Variants in SLC44A5 observed in about 807,000 individuals in gnomAD.
SLC44A5 encodes the protein choline transporter-like protein 5.
In SLC44A5, 57 loss-of-function variants were observed where a neutral mutation model predicts 101.8. That is an observed-to-expected ratio of 0.56 (90% CI 0.45 to 0.70). The LOEUF is 0.70. SLC44A5 is among the 30% of genes least tolerant of loss of function. The pLI is 0.00. For synonymous variants in SLC44A5, 281 were observed against 290.9 expected (o/e 0.97, Z 0.35); for missense variants, 737 against 853.1 (o/e 0.86, Z 1.70).
chr1:75,602,780 C>A (rs1557952610), intron 1 of SLC44A5, among the ~76,000 whole-genome samples: 1 of 152,036 alleles, frequency 6.6e-6, no homozygotes, highest in Non-Finnish European at 1.5e-5. Flanking sequence ...GTTTGTGAAG[C>A]ATAAATGCCC....
At chr1:75,547,448 C>T (rs1671711257) in intron 1 of SLC44A5, among the ~76,000 whole-genome samples, 1 of 152,122 alleles carries the variant, frequency 6.6e-6, no homozygotes, top group South Asian at 2.1e-4. Context: ...AGAATTGTAA[C>T]AGGAGATGAA....
chr1:75,303,288 T>C (rs998901164), intron 4 of SLC44A5, among the ~76,000 whole-genome samples: 10 of 152,092 alleles, frequency 6.6e-5, no homozygotes, highest in Admixed American at 5.9e-4. Flanking sequence ...CAGGCTGGAG[T>C]GCAGTGGCGC....
intron 4 of SLC44A5, 37 bp from the exon 5 acceptor site, chr1:75,300,722 T>C (rs2100863894): frequency 7.1e-7 from 1 of 1,409,794 alleles, no homozygotes; most frequent in South Asian, 1.4e-5. Context: ...TTAAAAGAGG[T>C]CCCAAATGAC....
At chr1:75,501,645 G>T (rs1250758263) in intron 2 of SLC44A5, among the ~76,000 whole-genome samples, 1 of 152,102 alleles carries the variant, frequency 6.6e-6, no homozygotes, top group Non-Finnish European at 1.5e-5. Flanking sequence ...TGAATTTCAT[G>T]GGCCAAGGAG....
chr1:75,233,246 A>G (rs1647757531), intron 12 of SLC44A5, among the ~76,000 whole-genome samples: 1 of 152,124 alleles, frequency 6.6e-6, no homozygotes, highest in Admixed American at 6.6e-5. Flanking sequence ...TACGCATATA[A>G]TTGTGTTATA....
rs1397033687 is a variant in SLC44A5 at position 75,480,359 on chromosome 1, T to C, written c.13+61076A>G. Among the ~76,000 whole-genome samples the C allele has an allele frequency of 1.1e-4, 17 of 152,246 alleles. No individual in the cohort carries two copies. The East Asian group carries it at 3.1e-3, about 28-fold the overall frequency. ...AACTGGCACAAGACAGGGATGCTCTTTCTCACCACCCCTATTTAACATAGT... is the reference window on the plus strand; with the variant it reads ...AACTGGCACAAGACAGGGATGCTCTCTCTCACCACCCCTATTTAACATAGT... On this transcript the variant is annotated intron_variant, in intron 2 of 23. Coordinates refer to ENST00000370859, the MANE Select transcript of SLC44A5 (RefSeq NM_001130058.2).
At chr1:75,691,226 G>A in the SLC44A5 span, among the ~76,000 whole-genome samples, 4 of 152,200 alleles carry the variant, frequency 2.6e-5, no homozygotes. Context: ...CCTAGCCTGA[G>A]AGGAAAACTC....
At chr1:75,341,983 T>C (rs1461170745) in intron 3 of SLC44A5, among the ~76,000 whole-genome samples, 1 of 152,204 alleles carries the variant, frequency 6.6e-6, no homozygotes, top group Admixed American at 6.5e-5. Flanking sequence ...TTGGGAACCA[T>C]TAATCTATTT....
rs138540004 is a variant in SLC44A5 at position 75,273,948 on chromosome 1, C to T, written c.260+1010G>A. Among the ~76,000 whole-genome samples, 448 of 152,160 alleles carry T rather than the reference C, an allele frequency of 2.9e-3. 1 individual carries two copies. Among genetic ancestry groups the T allele is most frequent in the African/African-American group, 0.01 (433 of 41,524 alleles). On this transcript the variant is annotated intron_variant, in intron 6 of 23. Transcript: ENST00000370859. ...TCTTTCGGAATAGTTTTAGTAGGAT[C>T]GGTACCAATTCTTTGAATATCTGGT...
chr1:75,516,506 G>T (rs1669846652), intron 2 of SLC44A5, among the ~76,000 whole-genome samples: 3 of 152,098 alleles, frequency 2.0e-5, no homozygotes, highest in Non-Finnish European at 4.4e-5. Flanking sequence ...GACAGAGCAA[G>T]ATTCCGTCTT....
chr1:75,700,518 G>T, the SLC44A5 span, among the ~76,000 whole-genome samples: 1 of 152,144 alleles, frequency 6.6e-6, no homozygotes, highest in Non-Finnish European at 1.5e-5. Context: ...TGTGTAGAGG[G>T]AAATTTATAG....
chr1:75,598,266 C>CA (rs767918480), intron 1 of SLC44A5, among the ~76,000 whole-genome samples: 325 of 147,436 alleles, frequency 2.2e-3, no homozygotes, highest in Non-Finnish European at 3.5e-3. Context: ...ATTAAGAAGC[C>CA]AAAAAAAAAC....
chr1:75,307,776 G>T (rs7548993), intron 4 of SLC44A5, among the ~76,000 whole-genome samples: 52,693 of 151,954 alleles, frequency 0.35, 10,014 homozygotes, highest in East Asian at 0.82. Flanking sequence ...TCCACAGCTT[G>T]AGGTTATGCC....
intron 1 of SLC44A5, among the ~76,000 whole-genome samples, chr1:75,581,780 GT>G (rs1285595461): frequency 6.6e-6 from 1 of 152,108 alleles, no homozygotes; most frequent in Non-Finnish European, 1.5e-5. Flanking sequence ...CTTGAGAACT[GT>G]TTTTAAAAGA....
intron 1 of SLC44A5, among the ~76,000 whole-genome samples, chr1:75,592,606 T>C (rs998404173): frequency 6.6e-6 from 1 of 152,198 alleles, no homozygotes; most frequent in Admixed American, 6.5e-5. Context: ...ATTACAGAGC[T>C]ACAGTAAGTA....
At chr1:75,688,556 T>C in the SLC44A5 span, among the ~76,000 whole-genome samples, 1 of 152,172 alleles carries the variant, frequency 6.6e-6, no homozygotes, top group South Asian at 2.1e-4. Context: ...AGATAGATAT[T>C]GCATGCTCAC....
intron 13 of SLC44A5, among the ~76,000 whole-genome samples, chr1:75,225,298 A>G (rs1259362915): frequency 6.6e-6 from 1 of 152,204 alleles, no homozygotes; most frequent in Non-Finnish European, 1.5e-5. Context: ...GTGTAGCCTA[A>G]GAGTGTAGTA....
At chr1:75,603,505 G>A (rs1244808898) in intron 1 of SLC44A5, among the ~76,000 whole-genome samples, 1 of 151,786 alleles carries the variant, frequency 6.6e-6, no homozygotes, top group African/African-American at 2.4e-5. Context: ...CCCAGTAGTG[G>A]GATTGCTGGG....
chr1:75,554,818 C>CA (rs1344338543), intron 1 of SLC44A5, among the ~76,000 whole-genome samples: 1 of 151,244 alleles, frequency 6.6e-6, no homozygotes, highest in Non-Finnish European at 1.5e-5. Context: ...GTAGGAAATA[C>CA]AAAAAAATAA....
Sources: gnomAD v4.1 joint callset for allele counts (sites outside exome capture counted in the v4.1 genomes callset) on GRCh38, gnomAD v4.1.1 for gene constraint, MANE v1.5 for transcripts, NCBI Gene and HGNC (gene_info 2026-07-23, HGNC 2026-07-21) for gene names.